RUSC2: variants seen among roughly 807,000 people sequenced by gnomAD.
RUSC2 encodes AP-4 complex accessory subunit RUSC2.
RUSC2 carries 34 observed loss-of-function variants against 122.2 expected under a neutral mutation model. The observed-to-expected ratio is 0.28, with a 90% CI of 0.21 to 0.37. The LOEUF (loss-of-function observed/expected upper bound fraction) is 0.37. RUSC2 is among the 10% of genes least tolerant of loss of function. The pLI is 1.00. For synonymous variants in RUSC2, 784 were observed against 790.0 expected, an observed-to-expected ratio of 0.99 and a Z score of 0.13; for missense variants, 1,747 against 1,952.4, an observed-to-expected ratio of 0.89 and a Z score of 1.98.
chr9:35,549,871 A>G (rs933069832), intron 2 of RUSC2, among the ~76,000 whole-genome samples: 2 of 151,716 alleles, frequency 1.3e-5, no homozygotes, highest in Non-Finnish European at 2.9e-5. Context: ...TTTGATTTGC[A>G]TTTAGAAAGA....
Position 35,561,539 on chromosome 9 carries a change from A to G in RUSC2, c.*157A>G, listed in dbSNP as rs1370354963. The G allele has an allele frequency of 4.7e-6, 3 of 637,512 alleles. No homozygotes were observed. The highest frequency in any genetic ancestry group is 8.1e-6 in the Non-Finnish European group (3 of 368,496). The allele number at this position is 637,512 out of a possible 1,614,324, so 39.5% of individuals were successfully genotyped here. A position where few individuals can be genotyped will look rare whatever the true frequency, so the allele number is the denominator to read the frequency against. On this transcript the variant is annotated 3_prime_UTR_variant, in exon 12 of 12. Transcript: ENST00000361226. ...CTGCTCCCTGTGCTCAGTATTAATT[A>G]CGCCCCCTTAACTGTCCCAGTGACC...
At chr9:35,494,728 A>G (rs745526864) in intron 1 of RUSC2, among the ~76,000 whole-genome samples, 1 of 151,246 alleles carries the variant, frequency 6.6e-6, no homozygotes. Flanking sequence ...ATTTTCTCCT[A>G]TTCCATGGAT....
chr9:35,516,952 GTTAA>G (rs960797460), intron 1 of RUSC2, among the ~76,000 whole-genome samples: 8 of 152,182 alleles, frequency 5.3e-5, no homozygotes, highest in Non-Finnish European at 1.0e-4. Context: ...CAATGGATAT[GTTAA>G]TTAGCTTAAT....
intron 1 of RUSC2, among the ~76,000 whole-genome samples, chr9:35,527,338 G>A (rs769409703): frequency 1.3e-5 from 2 of 151,698 alleles, no homozygotes; most frequent in Non-Finnish European, 2.9e-5. Flanking sequence ...ATGTACATGT[G>A]TATGTATCTA....
chr9:35,497,963 G>A (rs181781945), intron 1 of RUSC2, among the ~76,000 whole-genome samples: 78 of 152,152 alleles, frequency 5.1e-4, no homozygotes, highest in Non-Finnish European at 1.0e-3. Flanking sequence ...GAACAACTTT[G>A]CCTATATTCT....
rs140735199 is a variant in RUSC2, at chr9:35,553,509, T to C, written c.2015-1551T>C. ...TAATTGCTGGAAAGTTCAACAATGC[T>C]GAAAAGAAAATGAAACAGGGTAATG... On this transcript the variant is annotated intron_variant, in intron 2 of 11. Coordinates refer to ENST00000361226, the MANE Select transcript of RUSC2 (RefSeq NM_014806.5). Among the ~76,000 whole-genome samples the C allele has an allele frequency of 1.5e-3, 223 of 152,204 alleles. 2 individuals are homozygous for C. Among genetic ancestry groups the C allele is most frequent in the African/African-American group, 5.0e-3 (209 of 41,524 alleles).
At position 35,557,770 on chromosome 9, in the gene RUSC2, G is replaced by C; in HGVS notation, c.2984-144G>C. ...GCAGAACCAGAAAAGGGCCAGGCCT[G>C]AATGTTTTGATAAGACCCATGTGCA... On this transcript the variant is annotated intron_variant, in intron 5 of 11. Transcript: ENST00000361226. This position sits in a 1 kb window ranked among gnomAD's most constrained non-coding sequence, Gnocchi z 4.6. 1.4e-6 allele frequency: 1 copy of C among 696,476 alleles called. No homozygotes were observed. Among genetic ancestry groups the C allele is most frequent in the Non-Finnish European group, 2.6e-6 (1 of 385,278 alleles). The allele number at this position is 696,476 out of a possible 1,614,324, so 43.1% of individuals were successfully genotyped here.
Position 35,547,940 on chromosome 9 carries a change from C to T in RUSC2, c.1419C>T (p.Pro473=). ...SSTQAAAAVG[P]TVLEGQVYTN... is the part of the protein sequence containing the mutation. Reference sequence around the variant, plus strand: ...CCCAAGCAGCAGCTGCTGTGGGCCCCACTGTGCTTGAGGGACAAGTATACA... The same window carrying T: ...CCCAAGCAGCAGCTGCTGTGGGCCCTACTGTGCTTGAGGGACAAGTATACA... The change falls in exon 2 of 12, where the codon CCC becomes CCT. Residue 473 remains proline, a synonymous_variant. Coordinates refer to ENST00000361226, the MANE Select transcript of RUSC2 (RefSeq NM_014806.5). This position sits in a 1 kb window ranked among gnomAD's most constrained non-coding sequence, Gnocchi z 4.6. The T allele has an allele frequency of 6.2e-7, 1 of 1,614,260 alleles. No individual in the cohort carries two copies. Among genetic ancestry groups the T allele is most frequent in the Non-Finnish European group, 8.5e-7 (1 of 1,180,044 alleles).
chr9:35,508,946 A>G (rs1236343773), intron 1 of RUSC2, among the ~76,000 whole-genome samples: 1 of 152,218 alleles, frequency 6.6e-6, no homozygotes, highest in African/African-American at 2.4e-5. Context: ...AAATAGCACC[A>G]ACATAACTTA....
chr9:35,494,759 G>A (rs1159658950), intron 1 of RUSC2, among the ~76,000 whole-genome samples: 3 of 151,004 alleles, frequency 2.0e-5, no homozygotes, highest in Non-Finnish European at 4.4e-5. Context: ...TCTGTTAAAA[G>A]TGTCCTTTGA....
chr9:35,503,609 G>A (rs1462252987), intron 1 of RUSC2, among the ~76,000 whole-genome samples: 1 of 151,936 alleles, frequency 6.6e-6, no homozygotes, highest in Admixed American at 6.6e-5. Flanking sequence ...TTTTCCTTTG[G>A]GTAGATACCC....
At chr9:35,524,290 G>C (rs939954439) in intron 1 of RUSC2, among the ~76,000 whole-genome samples, 2 of 152,188 alleles carry the variant, frequency 1.3e-5, no homozygotes, top group Non-Finnish European at 2.9e-5. Flanking sequence ...AACAGGGTGT[G>C]ACTCTGCCTC....
chr9:35,530,406 G>A (rs1291196950), intron 1 of RUSC2, among the ~76,000 whole-genome samples: 1 of 152,110 alleles, frequency 6.6e-6, no homozygotes, highest in Non-Finnish European at 1.5e-5. Flanking sequence ...GATACCAAAT[G>A]AGTTGTACGT....
intron 1 of RUSC2, among the ~76,000 whole-genome samples, chr9:35,509,975 A>G (rs1820984076): frequency 6.6e-6 from 1 of 152,234 alleles, no homozygotes; most frequent in South Asian, 2.1e-4. Context: ...AGCTCTTTAC[A>G]TTGACCAGAA....
chr9:35,538,698 G>C (rs1314365201), intron 1 of RUSC2: 2 of 152,386 alleles, frequency 1.3e-5, no homozygotes, highest in Non-Finnish European at 2.9e-5. Flanking sequence ...TTCCTTTGCT[G>C]TCTTAAGAGT....
intron 1 of RUSC2, among the ~76,000 whole-genome samples, chr9:35,512,097 C>T (rs1821020531): frequency 6.6e-6 from 1 of 152,118 alleles, no homozygotes; most frequent in Non-Finnish European, 1.5e-5. Context: ...AGGAGAATGG[C>T]ATGAACCCGG....
intron 1 of RUSC2, among the ~76,000 whole-genome samples, chr9:35,516,022 A>AAAAAAAAAAG (rs1554724501): frequency 1.1e-4 from 14 of 127,132 alleles, no homozygotes; most frequent in African/African-American, 4.0e-4. Context: ...AAAAAAAAAA[A>AAAAAAAAAAG]AGAGAAATGC....
At chr9:35,554,109 G>A (rs1821956620) in intron 2 of RUSC2, among the ~76,000 whole-genome samples, 1 of 152,142 alleles carries the variant, frequency 6.6e-6, no homozygotes, top group Non-Finnish European at 1.5e-5. Flanking sequence ...CTTTCACCAG[G>A]GCTTTAGGCC....
At chr9:35,537,797 G>A (rs1221037372) in intron 1 of RUSC2, among the ~76,000 whole-genome samples, 1 of 152,196 alleles carries the variant, frequency 6.6e-6, no homozygotes, top group Non-Finnish European at 1.5e-5. Flanking sequence ...AGGAACCCTA[G>A]GCAGGGCTAG....
Sources: allele counts gnomAD v4.1 joint callset (sites outside exome capture counted in the v4.1 genomes callset), GRCh38; gene constraint gnomAD v4.1.1; non-coding constraint Gnocchi (gnomAD v3.1); transcripts MANE v1.5; gene names NCBI Gene and HGNC (gene_info 2026-07-23, HGNC 2026-07-21).